PATJ: variants seen among roughly 807,000 people sequenced by gnomAD.
PATJ encodes PATJ crumbs cell polarity complex component, also known as inaD-like protein.
A neutral mutation model predicts 224.9 loss-of-function variants in PATJ; 190 were observed. The observed-to-expected ratio is 0.84, with a 90% CI of 0.75 to 0.95. PATJ has a LOEUF of 0.95. Among genes scored for constraint, PATJ ranks in the 40% least tolerant of loss-of-function variants. The pLI is 0.00. For synonymous variants in PATJ, 769 were observed against 820.3 expected (o/e 0.94, Z 1.07); for missense variants, 2,121 against 2,270.3 (o/e 0.93, Z 1.34).
intron 28 of PATJ, among the ~76,000 whole-genome samples, chr1:62,004,609 A>G (rs2149628830): frequency 6.6e-6 from 1 of 152,272 alleles, no homozygotes. Flanking sequence ...TCTTAAACTC[A>G]CTGTGCCTCA....
chr1:61,959,425 A>ATATATATAT (rs1557944860), intron 27 of PATJ, among the ~76,000 whole-genome samples: 1 of 61,152 alleles, frequency 1.6e-5, no homozygotes, highest in African/African-American at 6.7e-5. Context: ...TATATAATAT[A>ATATATATAT]TTTTTTTTCT....
In PATJ at chr1:62,018,783, A is replaced by C. The variant is rs554129612; in HGVS notation, c.3959+836A>C. Among the ~76,000 whole-genome samples the C allele has an allele frequency of 6.6e-6, 1 of 152,280 alleles. No homozygotes were observed. The highest frequency in any genetic ancestry group is 1.9e-4 in the East Asian group (1 of 5,172). On this transcript the variant is annotated intron_variant, in intron 29 of 43. Coordinates refer to ENST00000642238, the MANE Select transcript of PATJ (RefSeq NM_001350145.3). This position sits in a 1 kb window ranked among gnomAD's most constrained non-coding sequence, Gnocchi z 4.2. ...AAGGGGTGAAAGAATGTTAGCTGCT[A>C]TTTTAGGATTATGACAATCATTATT...
In PATJ at chr1:62,080,166, C is replaced by T. The variant is rs78228749; in HGVS notation, c.4243+599C>T. Among the ~76,000 whole-genome samples, 1,007 of 152,224 alleles carry T rather than the reference C, an allele frequency of 6.6e-3. 14 individuals are homozygous for T. Among genetic ancestry groups the T allele is most frequent in the African/African-American group, 0.023 (953 of 41,514 alleles). On this transcript the variant is annotated intron_variant, in intron 32 of 43. Coordinates refer to ENST00000642238, the MANE Select transcript of PATJ (RefSeq NM_001350145.3). Reference sequence around the variant, plus strand: ...ATCTCTTTAAAAATCCTATCAAACCCAATTTTTAGCCCTGCAAATGTTGCT... The same window carrying T: ...ATCTCTTTAAAAATCCTATCAAACCTAATTTTTAGCCCTGCAAATGTTGCT...
rs560623187 is a variant in PATJ, at chr1:62,025,638, T to C, written c.3959+7691T>C. Among the ~76,000 whole-genome samples the C allele has an allele frequency of 2.6e-5, 4 of 152,250 alleles. 1 individual carries two copies. The South Asian group carries it at 8.3e-4, about 32-fold the overall frequency. On this transcript the variant is annotated intron_variant, in intron 29 of 43. Coordinates refer to ENST00000642238, the MANE Select transcript of PATJ (RefSeq NM_001350145.3). The stretch of plus-strand genomic sequence containing the variant: ...GAGTTCGAGACCAGCTTGGCCAACA[T>C]GGCAAAACCCTGTCCCTACTAAAAA...
intron 43 of PATJ, among the ~76,000 whole-genome samples, chr1:62,157,918 G>A (rs2149068594): frequency 6.8e-6 from 1 of 147,056 alleles, no homozygotes; most frequent in Middle Eastern, 3.6e-3. Flanking sequence ...AAGCCAATAA[G>A]AGATTGACCT....
rs1361842364 is a variant in PATJ at position 61,901,467 on chromosome 1, A to T, written c.3381+8A>T. On this transcript the variant is annotated splice_region_variant and intron_variant, in intron 24 of 43. Coordinates refer to ENST00000642238, the MANE Select transcript of PATJ (RefSeq NM_001350145.3). ...GGAGATAAAATACTTGAGGTAAATG[A>T]TGTTAAAGTACTGTTTTTATTGGAA... 1 of 1,552,774 alleles carries T rather than the reference A, an allele frequency of 6.4e-7. No individual in the cohort carries two copies. Among genetic ancestry groups the T allele is most frequent in the South Asian group, 1.2e-5 (1 of 82,786 alleles).
intron 30 of PATJ, among the ~76,000 whole-genome samples, chr1:62,049,385 A>ATTG (rs773910858): frequency 5.1e-4 from 78 of 151,948 alleles, no homozygotes; most frequent in Admixed American, 1.5e-3. Flanking sequence ...TTCTTTTCCT[A>ATTG]TTCTGTTGTC....
chr1:62,142,148 CTT>C (rs1667567490), intron 41 of PATJ, among the ~76,000 whole-genome samples: 2 of 152,120 alleles, frequency 1.3e-5, no homozygotes, highest in Non-Finnish European at 2.9e-5. Context: ...ATTTTAGTGA[CTT>C]TCTTCCTCAG....
At chr1:61,905,552 A>G (rs1314909898) in intron 24 of PATJ, among the ~76,000 whole-genome samples, 1 of 152,246 alleles carries the variant, frequency 6.6e-6, no homozygotes, top group Non-Finnish European at 1.5e-5. Flanking sequence ...AATCTGCTCT[A>G]AATATTTATG....
chr1:61,798,960 AT>A (rs910249942), intron 11 of PATJ, among the ~76,000 whole-genome samples: 8 of 152,010 alleles, frequency 5.3e-5, no homozygotes, highest in African/African-American at 1.9e-4. Flanking sequence ...ACAGAAGATC[AT>A]TTTTTTCCTC....
At chr1:62,140,652 CA>C (rs201127245) in intron 41 of PATJ, among the ~76,000 whole-genome samples, 40 of 144,512 alleles carry the variant, frequency 2.8e-4, no homozygotes, top group African/African-American at 5.6e-4. Context: ...GACACCACCT[CA>C]AAAAAAAAAA....
chr1:61,980,102 A>T lies in PATJ; in HGVS notation c.3671-10066A>T, dbSNP rs552270790. On this transcript the variant is annotated intron_variant, in intron 27 of 43. Transcript: ENST00000642238. ...ATGCGAAGATGCCATATTGTTATGT[A>T]GGGTGTACTGAATCCCATCAAAAGT... Among the ~76,000 whole-genome samples, 23 of 152,080 alleles carry T rather than the reference A, an allele frequency of 1.5e-4. 2 individuals are homozygous for T. The highest frequency in any genetic ancestry group is 5.6e-4 in the African/African-American group (23 of 41,384).
Position 61,990,324 on chromosome 1 carries a change from C to T in PATJ, c.3827C>T (p.Ala1276Val). ...GGAATTAACCCGGAAGGACCTGCTG[C>T]CGCAGATGGACGAATGCGTATTGGA... ...VVGINPEGPA[A>V]ADGRMRIGDE... Residue 1276 changes from alanine to valine, a missense_variant, in exon 28 of 44, where the codon GCC becomes GTC. Transcript: ENST00000642238. 1 of 1,613,306 alleles carries T rather than the reference C, an allele frequency of 6.2e-7. No homozygotes were observed. The highest frequency in any genetic ancestry group is 8.5e-7 in the Non-Finnish European group (1 of 1,179,838).
intron 29 of PATJ, among the ~76,000 whole-genome samples, chr1:62,027,108 A>C (rs79175201): frequency 0.21 from 32,634 of 152,170 alleles, 3,721 homozygotes; most frequent in Non-Finnish European, 0.26. Context: ...CTCTGTATAC[A>C]TTAAACAACA....
intron 18 of PATJ, among the ~76,000 whole-genome samples, chr1:61,859,108 A>G (rs577883386): frequency 6.6e-6 from 1 of 150,844 alleles, no homozygotes; most frequent in South Asian, 2.1e-4. Flanking sequence ...GTGTGGCTGC[A>G]TGGGGACATC....
chr1:62,050,955 A>G lies in PATJ; in HGVS notation c.4033-11A>G. 1 of 1,607,974 alleles carries G rather than the reference A, an allele frequency of 6.2e-7. No homozygotes were observed. The highest frequency in any genetic ancestry group is 8.5e-7 in the Non-Finnish European group (1 of 1,174,988). On this transcript the variant is annotated splice_polypyrimidine_tract_variant and intron_variant, in intron 30 of 43. Coordinates refer to ENST00000642238, the MANE Select transcript of PATJ (RefSeq NM_001350145.3). ...TGACATCTTTGCCATTTTCTTTTTA[A>G]CGTTCCATAGGATCAGAGCGGCACC...
chr1:61,901,958 C>T (rs901772983), intron 24 of PATJ, among the ~76,000 whole-genome samples: 1 of 152,286 alleles, frequency 6.6e-6, no homozygotes, highest in South Asian at 2.1e-4. Context: ...CACGGTGGCT[C>T]ATGCCTGTAA....
chr1:62,025,043 G>A (rs959502098), intron 29 of PATJ, among the ~76,000 whole-genome samples: 7 of 152,066 alleles, frequency 4.6e-5, no homozygotes, highest in Non-Finnish European at 1.0e-4. Context: ...TATCCCTCCA[G>A]TAAATTTTCT....
chr1:61,932,926 A>C (rs1676248115), intron 27 of PATJ, among the ~76,000 whole-genome samples: 1 of 152,182 alleles, frequency 6.6e-6, no homozygotes, highest in African/African-American at 2.4e-5. Context: ...TAAGCATAGT[A>C]ATTATTGTTC....
Sources: gnomAD v4.1 joint callset for allele counts (sites outside exome capture counted in the v4.1 genomes callset) on GRCh38, gnomAD v4.1.1 for gene constraint, Gnocchi (gnomAD v3.1) non-coding constraint, MANE v1.5 for transcripts, NCBI Gene and HGNC (gene_info 2026-07-23, HGNC 2026-07-21) for gene names.